Variants in COL27A1 observed in about 807,000 individuals in gnomAD.
COL27A1 encodes collagen alpha-1(XXVII) chain.
A neutral mutation model predicts 251.3 loss-of-function variants in COL27A1; 106 were observed. The observed-to-expected ratio is 0.42, with a 90% CI of 0.36 to 0.50. COL27A1 has a LOEUF of 0.50. Ranked by LOEUF, COL27A1 falls within the 20% of genes least tolerant of loss-of-function variation. COL27A1 has a pLI of 0.00. For synonymous variants in COL27A1, 1,000 were observed against 986.3 expected, an observed-to-expected ratio of 1.01 and a Z score of -0.26; for missense variants, 2,325 against 2,522.8, an observed-to-expected ratio of 0.92 and a Z score of 1.68.
At chr9:114,302,246 C>T in intron 56 of COL27A1, 138 bp downstream of exon 56, 1 of 713,182 alleles carries the variant, frequency 1.4e-6, no homozygotes, top group Non-Finnish European at 2.4e-6. Flanking sequence ...TTTGTCACTT[C>T]ATACTGGAGA....
At chr9:114,190,568 A>G (rs1828686830) in intron 5 of COL27A1, among the ~76,000 whole-genome samples, 1 of 152,170 alleles carries the variant, frequency 6.6e-6, no homozygotes, top group Admixed American at 6.5e-5. Flanking sequence ...ATGCCTGGCC[A>G]GAATTTCCAA....
intron 5 of COL27A1, among the ~76,000 whole-genome samples, chr9:114,190,919 T>C (rs1053399041): frequency 8.5e-5 from 13 of 152,342 alleles, no homozygotes; most frequent in Middle Eastern, 3.4e-3. Flanking sequence ...TTAGACTTTG[T>C]ATATAACTTA....
Position 114,169,169 on chromosome 9 carries a change from A to G in COL27A1, c.1614A>G (p.Gly538=), listed in dbSNP as rs1204598522. The change falls in exon 3 of 61, where the codon GGA becomes GGG. Residue 538 remains glycine (G), a synonymous_variant. Transcript: ENST00000356083. ...CCACTGGAAGCAAGAAGCCCATTGG[A>G]TCGGAAGCCTCAAAGAAAGCCGGAC... ...SAPTGSKKPI[G]SEASKKAGPK... is the part of the protein sequence containing the mutation. 1.2e-6 allele frequency: 2 copies of G among 1,614,072 alleles called. No individual in the cohort carries two copies. Among genetic ancestry groups the G allele is most frequent in the Non-Finnish European group, 1.7e-6 (2 of 1,180,036 alleles).
chr9:114,293,675 G>A (rs532514637), intron 49 of COL27A1, among the ~76,000 whole-genome samples: 4 of 152,254 alleles, frequency 2.6e-5, no homozygotes, highest in African/African-American at 9.6e-5. Flanking sequence ...TAGTATCAGG[G>A]ATAGGGGAGC....
intron 2 of COL27A1, among the ~76,000 whole-genome samples, chr9:114,166,193 A>G (rs1588559713): frequency 6.7e-6 from 1 of 148,786 alleles, no homozygotes; most frequent in South Asian, 2.2e-4. Flanking sequence ...CCATCCATTT[A>G]TCTATTCATC....
At chr9:114,173,464 G>A (rs1025424616) in intron 3 of COL27A1, among the ~76,000 whole-genome samples, 1 of 148,742 alleles carries the variant, frequency 6.7e-6, no homozygotes, top group Non-Finnish European at 1.5e-5. Flanking sequence ...GAGGCCATGT[G>A]GACTGCAAAA....
At chr9:114,226,188 C>T (rs73562586) in intron 14 of COL27A1, among the ~76,000 whole-genome samples, 1,531 of 152,296 alleles carry the variant, frequency 0.01, 28 homozygotes, top group African/African-American at 0.035. Context: ...ACCCAAAGAA[C>T]ATGTGATCTG....
In COL27A1 at chr9:114,244,825, C is replaced by T. The variant is rs181050169; in HGVS notation, c.2935-1041C>T. On this transcript the variant is annotated intron_variant, in intron 23 of 60. Transcript: ENST00000356083. ...GTTTCTGTGGTGGGAGTGGTGACAT[C>T]GTCTGTGTGGATTTGTCCCACAGAT... is the stretch of plus-strand genomic sequence containing the variant. Among the ~76,000 whole-genome samples, 160 of 152,298 alleles carry T rather than the reference C, an allele frequency of 1.1e-3. 1 individual carries two copies. Among genetic ancestry groups the T allele is most frequent in the South Asian group, 4.4e-3 (21 of 4,824 alleles).
At chr9:114,247,328 T>G (rs369346891) in intron 24 of COL27A1, among the ~76,000 whole-genome samples, 1 of 152,184 alleles carries the variant, frequency 6.6e-6, no homozygotes, top group Admixed American at 6.5e-5. Context: ...CAGGTCCTGG[T>G]AGTACTACTG....
At chr9:114,309,567 T>G in intron 60 of COL27A1, 89 bp downstream of exon 60, 1 of 918,224 alleles carries the variant, frequency 1.1e-6, no homozygotes, top group Non-Finnish European at 1.7e-6. Flanking sequence ...TATAAGATTA[T>G]ATCTAACATT....
Position 114,205,066 on chromosome 9 carries a change from C to T in COL27A1, c.2125-36C>T, listed in dbSNP as rs757747444. ...TGCGATCTCCAGGACCAGATGTGTCCTCCCTGCCTGATGCAGCTTCTTCCC... is the reference window on the plus strand; with the variant it reads ...TGCGATCTCCAGGACCAGATGTGTCTTCCCTGCCTGATGCAGCTTCTTCCC... On this transcript the variant is annotated intron_variant, in intron 7 of 60. Coordinates refer to ENST00000356083, the MANE Select transcript of COL27A1 (RefSeq NM_032888.4). The T allele has an allele frequency of 4.3e-6, 7 of 1,610,644 alleles. No individual in the cohort carries two copies. The Admixed American group carries it at 6.7e-5, about 15-fold the overall frequency.
chr9:114,159,229 C>G (rs1187410895), intron 1 of COL27A1, among the ~76,000 whole-genome samples: 1 of 152,188 alleles, frequency 6.6e-6, no homozygotes, highest in Non-Finnish European at 1.5e-5. Context: ...TTCCATGTCT[C>G]CTGTGGACTT....
chr9:114,265,386 G>A (rs1372251645), intron 31 of COL27A1, 36 bp from the exon 32 acceptor site: 1 of 1,603,686 alleles, frequency 6.2e-7, no homozygotes, highest in Admixed American at 1.7e-5. Context: ...AGAAGGCCAT[G>A]GAGGGCCTAA....
chr9:114,278,852 A>G (rs55839608), intron 37 of COL27A1, among the ~76,000 whole-genome samples: 80,697 of 151,738 alleles, frequency 0.53, 21,718 homozygotes, highest in South Asian at 0.75. Context: ...TGTGGCCTGG[A>G]AACAGTTGAG....
rs1375374537 is a variant in COL27A1, at chr9:114,245,854, G to T, written c.2935-12G>T. On this transcript the variant is annotated splice_polypyrimidine_tract_variant and intron_variant, in intron 23 of 60. Coordinates refer to ENST00000356083, the MANE Select transcript of COL27A1 (RefSeq NM_032888.4). ...CCCATCCCAATCCATCCTCCTCTTT[G>T]TCTCTTTGCAGGGGGAACCAGGGGA... The T allele has an allele frequency of 2.5e-6, 4 of 1,613,300 alleles. No homozygotes were observed. The highest frequency in any genetic ancestry group is 3.4e-6 in the Non-Finnish European group (4 of 1,179,604).
chr9:114,188,582 A>G (rs866426231), intron 5 of COL27A1, among the ~76,000 whole-genome samples: 1 of 152,210 alleles, frequency 6.6e-6, no homozygotes, highest in Non-Finnish European at 1.5e-5. Flanking sequence ...ATATATGTAT[A>G]TGTAGACATA....
At chr9:114,277,618 A>G (rs563288965) in intron 37 of COL27A1, among the ~76,000 whole-genome samples, 2 of 152,318 alleles carry the variant, frequency 1.3e-5, no homozygotes, top group African/African-American at 4.8e-5. Flanking sequence ...ACCAAACTAG[A>G]GAAGAATACG....
intron 10 of COL27A1, 24 bp downstream of exon 10, chr9:114,206,320 A>T: frequency 1.2e-6 from 2 of 1,613,512 alleles, no homozygotes; most frequent in Non-Finnish European, 1.7e-6. Context: ...GGCCAGTGCC[A>T]CATGGGTGGG....
At chr9:114,200,067 T>C (rs1220000301) in intron 7 of COL27A1, among the ~76,000 whole-genome samples, 6 of 152,106 alleles carry the variant, frequency 3.9e-5, no homozygotes, top group Admixed American at 2.0e-4. Flanking sequence ...TGTAATAAAA[T>C]GGGAGAGCAC....
Sources: gnomAD v4.1 joint callset for allele counts (sites outside exome capture counted in the v4.1 genomes callset) on GRCh38, gnomAD v4.1.1 for gene constraint, MANE v1.5 for transcripts, NCBI Gene and HGNC (gene_info 2026-07-23, HGNC 2026-07-21) for gene names.